CR2: variants seen among roughly 807,000 people sequenced by gnomAD.
The protein encoded by CR2 is complement C3d receptor 2.
A neutral mutation model predicts 123.0 loss-of-function variants in CR2; 96 were observed. That is an observed-to-expected ratio of 0.78 (90% CI 0.66 to 0.93). CR2 has a LOEUF of 0.93. Among genes scored for constraint, CR2 ranks in the 40% least tolerant of loss-of-function variants. The probability of loss-of-function intolerance (pLI) is 0.00; values close to 1 mark genes in which losing one functional copy is unlikely to be tolerated. For missense variants in CR2, 1,258 were observed against 1,361.0 expected (o/e 0.92, Z 1.19); for synonymous variants, 484 against 469.5 (o/e 1.03, Z -0.40).
chr1:207,456,671 C>T (rs1324425530), intron 1 of CR2, among the ~76,000 whole-genome samples: 7 of 152,216 alleles, frequency 4.6e-5, no homozygotes, highest in Non-Finnish European at 1.5e-5. Context: ...AACAAGAATG[C>T]TCCCATTTTC....
chr1:207,454,400 CGG>C lies in CR2; in HGVS notation c.-15_-14del. 6.4e-7 allele frequency: 1 copy of C among 1,571,210 alleles called. No homozygotes were observed. The highest frequency in any genetic ancestry group is 8.6e-7 in the Non-Finnish European group (1 of 1,165,504). ...GCGGGTCTCGGAACGCATCCCGCCG[CGG>C]GGGCTTCGGCCGTGGCATGGGCGCC... is the stretch of plus-strand genomic sequence containing the variant. On this transcript the variant is annotated 5_prime_UTR_variant, in exon 1 of 20. Coordinates refer to ENST00000367057, the MANE Select transcript of CR2 (RefSeq NM_001006658.3). This position sits in a 1 kb window ranked among gnomAD's most constrained non-coding sequence, Gnocchi z 4.3.
chr1:207,474,882 A>C lies in CR2; in HGVS notation c.2382A>C (p.Ala794=). 1 of 1,614,082 alleles carries C rather than the reference A, an allele frequency of 6.2e-7. No individual in the cohort carries two copies. Among genetic ancestry groups the C allele is most frequent in the South Asian group, 1.1e-5 (1 of 91,082 alleles). The change falls in exon 14 of 20, where the codon GCA becomes GCC. Residue 794 remains alanine (A), a synonymous_variant. Coordinates refer to ENST00000367057, the MANE Select transcript of CR2 (RefSeq NM_001006658.3). ...ATGGGAAGCACACAGGCATGATGGC[A>C]GAAAACTTTCTATATGGAAATGAAG... The part of the protein sequence containing the change: ...IVNGKHTGMM[A]ENFLYGNEVS...
chr1:207,474,811 A>G lies in CR2; in HGVS notation c.2324-13A>G, dbSNP rs570556768. The G allele has an allele frequency of 2.7e-5, 43 of 1,613,728 alleles. No individual in the cohort carries two copies. Among genetic ancestry groups the G allele is most frequent in the Non-Finnish European group, 3.5e-5 (41 of 1,179,860 alleles). ...TACTAGCTGAAGTAGAACTCCCTAA[A>G]TCTCTTCTGCAGTTATTCACTGTCA... On this transcript the variant is annotated splice_polypyrimidine_tract_variant and intron_variant, in intron 13 of 19. Transcript: ENST00000367057.
Position 207,485,590 on chromosome 1 carries a change from ATAT to A in CR2, c.*18+24_*18+26del. The A allele has an allele frequency of 5.9e-6, 8 of 1,361,438 alleles. No homozygotes were observed. Among genetic ancestry groups the A allele is most frequent in the Non-Finnish European group, 8.4e-6 (8 of 950,716 alleles). 84.3% of individuals were successfully genotyped at this position (1,361,438 alleles called of 1,614,324 possible). A position where few individuals can be genotyped will look rare whatever the true frequency, so the allele number is the denominator to read the frequency against. ...AACTGGTGGTATGTAATGAAATGGA[ATAT>A]TATTAATTTACATATAAAATTTCCT... is the stretch of plus-strand genomic sequence containing the variant. On this transcript the variant is annotated intron_variant, in intron 19 of 19. Transcript: ENST00000367057.
intron 15 of CR2, among the ~76,000 whole-genome samples, chr1:207,476,660 A>T (rs1438915208): frequency 6.6e-6 from 1 of 152,234 alleles, no homozygotes; most frequent in East Asian, 1.9e-4. Context: ...AGTTGGAGTT[A>T]TGTCTGTAAA....
chr1:207,475,264 G>T, intron 14 of CR2, 48 bp downstream of exon 14: 1 of 1,599,380 alleles, frequency 6.3e-7, no homozygotes. Flanking sequence ...ACAGAATAAA[G>T]AAAAGAGGTT....
intron 17 of CR2, 88 bp from the exon 18 acceptor site, chr1:207,479,890 C>A: frequency 1.1e-6 from 1 of 939,396 alleles, no homozygotes. Flanking sequence ...AACATTTTCC[C>A]CACCACTAGC....
intron 1 of CR2, among the ~76,000 whole-genome samples, chr1:207,456,557 T>C (rs193202376): frequency 6.6e-6 from 1 of 152,372 alleles, no homozygotes; most frequent in East Asian, 1.9e-4. Flanking sequence ...TTTTTCCTTT[T>C]GTCTATTTGC....
intron 12 of CR2, 66 bp from the exon 13 acceptor site, chr1:207,474,175 T>G (rs1282163326): frequency 7.7e-7 from 1 of 1,300,882 alleles, no homozygotes; most frequent in African/African-American, 1.5e-5. Flanking sequence ...AAGTCCCTTT[T>G]TGCATGCAGT....
chr1:207,469,320 T>C (rs1212650731), intron 5 of CR2, 88 bp downstream of exon 5: 1 of 990,356 alleles, frequency 1.0e-6, no homozygotes, highest in East Asian at 2.4e-5. Flanking sequence ...AGACTCTTAC[T>C]GAACACAGAA....
intron 1 of CR2, among the ~76,000 whole-genome samples, chr1:207,463,291 C>A (rs930249568): frequency 6.6e-6 from 1 of 152,126 alleles, no homozygotes; most frequent in Non-Finnish European, 1.5e-5. Context: ...GCAGTTCCAA[C>A]CAGAAACCAT....
chr1:207,465,559 C>A (rs1183981622), intron 1 of CR2, among the ~76,000 whole-genome samples: 3 of 152,122 alleles, frequency 2.0e-5, no homozygotes, highest in Non-Finnish European at 1.5e-5. Flanking sequence ...TGTATAAAGA[C>A]AACAGTTCTC....
chr1:207,475,048 C>T lies in CR2; in HGVS notation c.2548C>T (p.Pro850Ser). Residue 850 changes from proline to serine, a missense_variant, in exon 14 of 20, where the codon CCA becomes TCA. Pro to Ser is a moderately conservative substitution (Grantham distance 74, BLOSUM62 -1). Transcript: ENST00000367057. ...RSPPVTRCPN[P>S]EVKHGYKLNK... Reference sequence around the variant, plus strand: ...TCCTCCTGTGACTCGCTGCCCTAATCCAGAAGTCAAACATGGGTACAAGCT... The same window carrying T: ...TCCTCCTGTGACTCGCTGCCCTAATTCAGAAGTCAAACATGGGTACAAGCT... The T allele has an allele frequency of 6.2e-7, 1 of 1,613,804 alleles. No homozygotes were observed. The highest frequency in any genetic ancestry group is 8.5e-7 in the Non-Finnish European group (1 of 1,179,778).
Position 207,475,061 on chromosome 1 carries a change from A to G in CR2, c.2561A>G (p.His854Arg), listed in dbSNP as rs780966840. Residue 854 changes from histidine to arginine, a missense_variant, in exon 14 of 20, where the codon CAT (histidine) becomes CGT (arginine). By Grantham distance (29) the His-to-Arg change is conservative. Transcript: ENST00000367057. ...CGCTGCCCTAATCCAGAAGTCAAAC[A>G]TGGGTACAAGCTCAATAAAACACAT... Reference protein sequence around the residue: ...VTRCPNPEVKHGYKLNKTHSA... With the variant: ...VTRCPNPEVKRGYKLNKTHSA... 69 of 1,613,576 alleles carry G rather than the reference A, an allele frequency of 4.3e-5. 1 individual carries two copies. In the South Asian group the frequency reaches 6.9e-4, roughly 16 times the overall value.
At chr1:207,470,133 T>C in intron 6 of CR2, 31 bp downstream of exon 6, 1 of 1,612,012 alleles carries the variant, frequency 6.2e-7, no homozygotes, top group East Asian at 2.2e-5. Flanking sequence ...AAAAGGTGCT[T>C]CTGATTCGTT....
chr1:207,484,363 T>A (rs1182644054), intron 18 of CR2, among the ~76,000 whole-genome samples: 1 of 152,228 alleles, frequency 6.6e-6, no homozygotes, highest in East Asian at 1.9e-4. Context: ...TTCAATTGAT[T>A]TTCCAATAAT....
intron 18 of CR2, 41 bp downstream of exon 18, chr1:207,480,094 A>C (rs779982415): frequency 6.8e-7 from 1 of 1,469,142 alleles, no homozygotes; most frequent in Non-Finnish European, 9.5e-7. Flanking sequence ...AACATGCACA[A>C]GTGGTTTCGG....
In CR2 at chr1:207,471,015, C is replaced by T; in HGVS notation, c.1421C>T (p.Thr474Ile). Residue 474 changes from threonine (T) to isoleucine (I), a missense_variant, in exon 8 of 20, where the codon ACA (threonine) becomes ATA (isoleucine). Coordinates refer to ENST00000367057, the MANE Select transcript of CR2 (RefSeq NM_001006658.3). ...PQCKVAACEATGRQLLTKPQH... is the reference protein window; with the variant it reads ...PQCKVAACEAIGRQLLTKPQH... ...TTCTTAGTGGCAGCGTGTGAAGCTA[C>T]AGGAAGGCAACTCTTGACAAAACCC... 1 of 1,613,840 alleles carries T rather than the reference C, an allele frequency of 6.2e-7. No homozygotes were observed. The highest frequency in any genetic ancestry group is 8.5e-7 in the Non-Finnish European group (1 of 1,179,834).
intron 12 of CR2, 68 bp downstream of exon 12, chr1:207,473,953 AC>A: frequency 6.9e-7 from 1 of 1,455,334 alleles, no homozygotes; most frequent in Non-Finnish European, 9.6e-7. Flanking sequence ...TTGACCTTCA[AC>A]TTGTCTTGGT....
Sources: gnomAD v4.1 joint callset for allele counts (sites outside exome capture counted in the v4.1 genomes callset) on GRCh38, gnomAD v4.1.1 for gene constraint, Gnocchi (gnomAD v3.1) non-coding constraint, MANE v1.5 for transcripts, NCBI Gene and HGNC (gene_info 2026-07-23, HGNC 2026-07-21) for gene names.